The following UBE3D variants were observed in gnomAD, a reference collection of about 807,000 sequenced individuals.
The protein encoded by UBE3D is E3 ubiquitin-protein ligase E3D.
In UBE3D, 48 loss-of-function variants were observed where a neutral mutation model predicts 49.6. That is an observed-to-expected ratio of 0.97 (90% CI 0.77 to 1.23). The LOEUF (loss-of-function observed/expected upper bound fraction) is 1.23. UBE3D is among the 50% of genes most tolerant of loss of function. UBE3D has a pLI of 0.00. For missense variants in UBE3D, 452 were observed against 468.4 expected, an observed-to-expected ratio of 0.96 and a Z score of 0.32; for synonymous variants, 189 against 174.2, an observed-to-expected ratio of 1.08 and a Z score of -0.67.
rs569619720 is a variant in UBE3D at position 82,994,815 on chromosome 6, A to G, written c.1010+24158T>C. ...CATGATGCCATTGGTAGACATACAC[A>G]TAAGAGGAAAGATATATTTGCCAGG... On this transcript the variant is annotated intron_variant, in intron 8 of 9. Transcript: ENST00000369747. Among the ~76,000 whole-genome samples the G allele has an allele frequency of 2.6e-5, 4 of 152,314 alleles. No individual in the cohort carries two copies. The South Asian group carries it at 8.3e-4, about 32-fold the overall frequency.
At chr6:83,006,424 G>T (rs995536420) in intron 8 of UBE3D, among the ~76,000 whole-genome samples, 1 of 152,132 alleles carries the variant, frequency 6.6e-6, no homozygotes, top group Admixed American at 6.6e-5. Flanking sequence ...AGGTCATAAA[G>T]ATGGGTCCCT....
intron 8 of UBE3D, among the ~76,000 whole-genome samples, chr6:82,982,406 C>T (rs1263382506): frequency 6.6e-6 from 1 of 152,176 alleles, no homozygotes; most frequent in Non-Finnish European, 1.5e-5. Context: ...ATAAGGTCCA[C>T]ATATTATTAA....
intron 9 of UBE3D, among the ~76,000 whole-genome samples, chr6:82,896,437 T>A (rs1771323456): frequency 6.6e-6 from 1 of 151,470 alleles, no homozygotes; most frequent in Non-Finnish European, 1.5e-5. Context: ...CAACCTTTCC[T>A]CTCGGTTATA....
chr6:82,966,016 CAATT>C (rs1359089701), intron 8 of UBE3D, among the ~76,000 whole-genome samples: 1 of 152,116 alleles, frequency 6.6e-6, no homozygotes, highest in Non-Finnish European at 1.5e-5. Context: ...AAAAAAGTAA[CAATT>C]CTTTCATATC....
intron 3 of UBE3D, among the ~76,000 whole-genome samples, chr6:83,047,874 A>G (rs1783176022): frequency 6.6e-6 from 1 of 151,592 alleles, no homozygotes; most frequent in Non-Finnish European, 1.5e-5. Flanking sequence ...CGAGGTCAGG[A>G]GATCAAGACC....
rs4706975 is a variant in UBE3D at position 82,892,864 on chromosome 6, C to T, written c.*158G>A. ...AAGTTAACTCTTCTCTTAGAGAATA[C>T]ATGCAAACAAGTAAACTTAAAACTT... On this transcript the variant is annotated 3_prime_UTR_variant, in exon 10 of 10. Coordinates refer to ENST00000369747, the MANE Select transcript of UBE3D (RefSeq NM_198920.3). 0.26 allele frequency: 219,144 copies of T among 840,762 alleles called. 33,794 individuals are homozygous for T. Among genetic ancestry groups the T allele is most frequent in the Admixed American group, 0.53 (26,947 of 51,182 alleles). The allele number at this position is 840,762 out of a possible 1,614,324, so 52.1% of individuals were successfully genotyped here.
chr6:82,916,210 C>A (rs1428616464), intron 9 of UBE3D, among the ~76,000 whole-genome samples: 1 of 152,172 alleles, frequency 6.6e-6, no homozygotes, highest in Non-Finnish European at 1.5e-5. Flanking sequence ...CACACCACAC[C>A]TGTCCAATTT....
At chr6:82,887,375 A>C in the UBE3D span, among the ~76,000 whole-genome samples, 1 of 108,614 alleles carries the variant, frequency 9.2e-6, no homozygotes, top group Non-Finnish European at 1.8e-5. Context: ...CTGTATTTGG[A>C]GGAGACAGTA....
chr6:83,006,112 C>A (rs1056247269), intron 8 of UBE3D, among the ~76,000 whole-genome samples: 1 of 152,090 alleles, frequency 6.6e-6, no homozygotes, highest in African/African-American at 2.4e-5. Context: ...GTAATCCCAG[C>A]TACTTGGGAG....
chr6:83,038,372 A>T, intron 5 of UBE3D, 44 bp downstream of exon 5: 4 of 1,436,504 alleles, frequency 2.8e-6, no homozygotes, highest in African/African-American at 1.4e-5. Flanking sequence ...CTGGCTTTTA[A>T]GCAAGAAGCC....
At chr6:82,937,873 G>A (rs1332377122) in intron 9 of UBE3D, among the ~76,000 whole-genome samples, 2 of 152,136 alleles carry the variant, frequency 1.3e-5, no homozygotes, top group Admixed American at 1.3e-4. Context: ...TCAGAGGCAG[G>A]AAGAGCCAAG....
chr6:83,026,531 CAGAA>C (rs1351218270), intron 5 of UBE3D, among the ~76,000 whole-genome samples: 1 of 151,840 alleles, frequency 6.6e-6, no homozygotes, highest in East Asian at 1.9e-4. Flanking sequence ...ATATTACACA[CAGAA>C]AGGTAAAAAA....
At chr6:83,005,964 C>T (rs1175706132) in intron 8 of UBE3D, among the ~76,000 whole-genome samples, 4 of 152,092 alleles carry the variant, frequency 2.6e-5, no homozygotes. Context: ...GTGGCTCACA[C>T]CTATAATCCC....
At chr6:83,057,773 T>A in intron 2 of UBE3D, 53 bp downstream of exon 2, 1 of 1,573,446 alleles carries the variant, frequency 6.4e-7, no homozygotes, top group Non-Finnish European at 8.7e-7. Context: ...AAAATCACCT[T>A]TGGTTTATAA....
chr6:83,011,506 G>A (rs113090446), intron 8 of UBE3D, among the ~76,000 whole-genome samples: 112 of 152,110 alleles, frequency 7.4e-4, no homozygotes, highest in African/African-American at 2.5e-3. Flanking sequence ...TTAATCACAG[G>A]GCAAGGTAAT....
At chr6:83,021,039 T>G (rs1781054839) in intron 7 of UBE3D, among the ~76,000 whole-genome samples, 1 of 152,212 alleles carries the variant, frequency 6.6e-6, no homozygotes, top group South Asian at 2.1e-4. Flanking sequence ...AATATTAGGC[T>G]CTAGTGGTAC....
At chr6:82,939,069 A>T (rs1194012997) in intron 9 of UBE3D, among the ~76,000 whole-genome samples, 2 of 152,152 alleles carry the variant, frequency 1.3e-5, no homozygotes, top group Non-Finnish European at 2.9e-5. Context: ...TATTAAAAAA[A>T]AAAAAAAGAA....
intron 4 of UBE3D, among the ~76,000 whole-genome samples, chr6:83,039,731 G>A (rs1418640230): frequency 1.3e-5 from 2 of 152,018 alleles, no homozygotes; most frequent in East Asian, 3.9e-4. Context: ...TGCAACCTCC[G>A]CCTCCCGGGT....
chr6:82,942,436 A>G (rs1775080485), intron 9 of UBE3D, among the ~76,000 whole-genome samples: 1 of 152,240 alleles, frequency 6.6e-6, no homozygotes, highest in Non-Finnish European at 1.5e-5. Context: ...AAGGAGCAGA[A>G]TGTTAATCAC....
Sources: gnomAD v4.1 joint callset for allele counts (sites outside exome capture counted in the v4.1 genomes callset) on GRCh38, gnomAD v4.1.1 for gene constraint, MANE v1.5 for transcripts, NCBI Gene and HGNC (gene_info 2026-07-23, HGNC 2026-07-21) for gene names.